The following WDFY3 variants were observed in gnomAD, a reference collection of about 807,000 sequenced individuals.
The protein encoded by WDFY3 is WD repeat and FYVE domain-containing protein 3.
Under a neutral mutation model 409.6 loss-of-function variants are expected in WDFY3, and 66 were observed. The observed-to-expected ratio is 0.16, with a 90% CI of 0.13 to 0.20. The LOEUF is 0.20. Ranked by LOEUF, WDFY3 falls within the 10% of genes least tolerant of loss-of-function variation. WDFY3 has a pLI of 1.00. For missense variants in WDFY3, 3,031 were observed against 4,298.1 expected (o/e 0.71, Z 8.24); for synonymous variants, 1,521 against 1,537.1 (o/e 0.99, Z 0.25).
At chr4:84,732,410 T>C (rs750887302) in intron 44 of WDFY3, among the ~76,000 whole-genome samples, 3 of 152,154 alleles carry the variant, frequency 2.0e-5, no homozygotes, top group Non-Finnish European at 4.4e-5. Context: ...AAAAGTACTC[T>C]TAGCAATTTT....
At chr4:84,747,500 CT>C (rs747949991) in intron 36 of WDFY3, among the ~76,000 whole-genome samples, 17 of 152,116 alleles carry the variant, frequency 1.1e-4, no homozygotes, top group Non-Finnish European at 1.8e-4. Context: ...CAATGGGGAG[CT>C]CTTGTAGAAG....
chr4:84,762,698 ATTG>A (rs1435249640), intron 32 of WDFY3, among the ~76,000 whole-genome samples: 1 of 152,162 alleles, frequency 6.6e-6, no homozygotes, highest in Admixed American at 6.5e-5. Flanking sequence ...CTGTAAAATT[ATTG>A]TTTTCTTTGC....
intron 27 of WDFY3, among the ~76,000 whole-genome samples, chr4:84,776,310 T>C (rs538296618): frequency 6.6e-6 from 1 of 152,172 alleles, no homozygotes; most frequent in East Asian, 1.9e-4. Flanking sequence ...ATTTTACTTA[T>C]ATTTGTCAAA....
At chr4:84,931,880 G>C (rs565136050) in intron 2 of WDFY3, among the ~76,000 whole-genome samples, 1 of 152,064 alleles carries the variant, frequency 6.6e-6, no homozygotes, top group South Asian at 2.1e-4. Flanking sequence ...GTCACTCAAA[G>C]AAACTACAAT....
intron 1 of WDFY3, among the ~76,000 whole-genome samples, chr4:84,950,260 C>T (rs1261958109): frequency 8.1e-6 from 1 of 124,002 alleles, no homozygotes; most frequent in African/African-American, 3.1e-5. Flanking sequence ...GGTTGGGGGG[C>T]AAGGGGAGGG....
chr4:84,877,640 G>T (rs753493866), intron 3 of WDFY3, among the ~76,000 whole-genome samples: 3 of 152,134 alleles, frequency 2.0e-5, no homozygotes, highest in Non-Finnish European at 4.4e-5. Flanking sequence ...ATGCCTCACC[G>T]TCTTGGTTCC....
chr4:84,871,621 T>C (rs781397291), intron 3 of WDFY3, among the ~76,000 whole-genome samples: 5 of 151,944 alleles, frequency 3.3e-5, no homozygotes, highest in Admixed American at 6.6e-5. Flanking sequence ...TAATATAACA[T>C]TTTTATCCTT....
At chr4:84,766,048 TAAAAAAC>T (rs1197191794) in intron 31 of WDFY3, 21 bp from the exon 32 acceptor site, 1 of 1,582,674 alleles carries the variant, frequency 6.3e-7, no homozygotes, top group Admixed American at 1.9e-5. Flanking sequence ...CAGATGGATT[TAAAAAAC>T]AAAAAACAAA....
chr4:84,755,489 A>C (rs1281687220), intron 33 of WDFY3, 89 bp from the exon 34 acceptor site: 2 of 1,460,424 alleles, frequency 1.4e-6, no homozygotes, highest in Non-Finnish European at 1.8e-6. Context: ...ATTTCTTTGA[A>C]ACTAGTTTTT....
chr4:84,857,216 G>A (rs1759879281), intron 4 of WDFY3, among the ~76,000 whole-genome samples: 1 of 151,916 alleles, frequency 6.6e-6, no homozygotes, highest in Non-Finnish European at 1.5e-5. Context: ...TAGTTAATGA[G>A]ACTTACAATA....
At chr4:84,782,104 T>C (rs1456782279) in intron 25 of WDFY3, among the ~76,000 whole-genome samples, 1 of 152,194 alleles carries the variant, frequency 6.6e-6, no homozygotes, top group African/African-American at 2.4e-5. Flanking sequence ...AAATAACGTT[T>C]TAAGCAGACA....
intron 1 of WDFY3, 148 bp downstream of exon 1, chr4:84,966,061 C>T (rs1775678098): frequency 6.6e-6 from 1 of 152,208 alleles, no homozygotes; most frequent in African/African-American, 2.4e-5. Flanking sequence ...GCAGCTGGGC[C>T]GCGGCCTGTC....
At chr4:84,803,046 T>A (rs562540473) in intron 16 of WDFY3, among the ~76,000 whole-genome samples, 1 of 152,364 alleles carries the variant, frequency 6.6e-6, no homozygotes, top group Non-Finnish European at 1.5e-5. Flanking sequence ...AACAGAATTA[T>A]TCTAGCACCA....
chr4:84,929,577 A>C (rs1325057493), intron 2 of WDFY3, among the ~76,000 whole-genome samples: 5 of 151,884 alleles, frequency 3.3e-5, no homozygotes, highest in Non-Finnish European at 5.9e-5. Flanking sequence ...TGAGGCCATC[A>C]GGGTGGGCTC....
At chr4:84,767,985 A>G (rs1743980990) in intron 30 of WDFY3, among the ~76,000 whole-genome samples, 1 of 152,168 alleles carries the variant, frequency 6.6e-6, no homozygotes, top group Non-Finnish European at 1.5e-5. Flanking sequence ...CAGAAGGCTG[A>G]TGTATGAGGA....
intron 3 of WDFY3, among the ~76,000 whole-genome samples, chr4:84,874,583 C>A (rs1048210165): frequency 2.0e-5 from 3 of 152,160 alleles, no homozygotes; most frequent in African/African-American, 7.2e-5. Flanking sequence ...ATCTCCCAGA[C>A]TGTTAGGCCC....
At chr4:84,902,041 T>C (rs1362533815) in intron 2 of WDFY3, among the ~76,000 whole-genome samples, 1 of 152,184 alleles carries the variant, frequency 6.6e-6, no homozygotes, top group African/African-American at 2.4e-5. Context: ...TATATCACAG[T>C]TGTCAGCCCT....
At chr4:84,688,317 C>A in intron 61 of WDFY3, 52 bp from the exon 62 acceptor site, 1 of 1,565,032 alleles carries the variant, frequency 6.4e-7, no homozygotes, top group South Asian at 1.2e-5. Context: ...TGACAGGGTT[C>A]CACAGTGACT....
chr4:84,765,294 T>C (rs1254707882), intron 32 of WDFY3, among the ~76,000 whole-genome samples: 2 of 152,210 alleles, frequency 1.3e-5, no homozygotes, highest in African/African-American at 2.4e-5. Flanking sequence ...GCTATGGTAC[T>C]AGTGAGCTTA....
Sources: gnomAD v4.1 joint callset for allele counts (sites outside exome capture counted in the v4.1 genomes callset) on GRCh38, gnomAD v4.1.1 for gene constraint, MANE v1.5 for transcripts, NCBI Gene and HGNC (gene_info 2026-07-23, HGNC 2026-07-21) for gene names.